Variants in KPNA3 observed in about 807,000 individuals in gnomAD.
The protein encoded by KPNA3 is importin subunit alpha-4.
KPNA3 carries 13 observed loss-of-function variants against 73.8 expected under a neutral mutation model. The ratio of observed to expected loss-of-function variants is 0.18; its 90% CI spans 0.11 to 0.28. The LOEUF (loss-of-function observed/expected upper bound fraction) is 0.28, where lower values mean the gene tolerates loss of function less well. Ranked by LOEUF, KPNA3 falls within the 10% of genes least tolerant of loss-of-function variation. KPNA3 has a pLI of 1.00. For missense variants in KPNA3, 360 were observed against 618.1 expected, an observed-to-expected ratio of 0.58 and a Z score of 4.43; for synonymous variants, 186 against 206.9, an observed-to-expected ratio of 0.90 and a Z score of 0.87.
rs569911526 is a variant in KPNA3 at position 49,747,688 on chromosome 13, AAAAT to A, written c.70-699_70-696del. 2.0e-3 allele frequency among the ~76,000 whole-genome samples: 304 copies of A among 152,390 alleles called. 1 individual carries two copies. Among genetic ancestry groups the A allele is most frequent in the African/African-American group, 7.0e-3 (290 of 41,594 alleles). On this transcript the variant is annotated intron_variant, in intron 1 of 16. Coordinates refer to ENST00000261667, the MANE Select transcript of KPNA3 (RefSeq NM_002267.4). ...GTGACAGAGCGAGACTCTGTCTCAA[AAAAT>A]AAATAAATAAGAAGAAATTTATAAT...
At chr13:49,761,318 C>T (rs898499472) in intron 1 of KPNA3, among the ~76,000 whole-genome samples, 1 of 152,164 alleles carries the variant, frequency 6.6e-6, no homozygotes, top group Non-Finnish European at 1.5e-5. Context: ...GCTGCCATCT[C>T]GGCTCACTGC....
Position 49,701,752 on chromosome 13 carries a change from G to T in KPNA3, c.*48C>A. 1 of 1,100,528 alleles carries T rather than the reference G, an allele frequency of 9.1e-7. No homozygotes were observed. Among genetic ancestry groups the T allele is most frequent in the Non-Finnish European group, 1.4e-6 (1 of 711,990 alleles). The allele number at this position is 1,100,528 out of a possible 1,614,324, so 68.2% of individuals were successfully genotyped here. ...TGTTCTTATCATTTGGTAGCCATCT[G>T]GTGGTGCTTCATATTGAATGTGGGA... On this transcript the variant is annotated 3_prime_UTR_variant, in exon 17 of 17. Transcript: ENST00000261667.
intron 8 of KPNA3, 107 bp downstream of exon 8, chr13:49,722,370 G>T: frequency 1.3e-6 from 1 of 747,428 alleles, no homozygotes; most frequent in Non-Finnish European, 2.2e-6. Context: ...GGCAAGAAGA[G>T]AGTCAACACA....
At position 49,732,429 on chromosome 13, in the gene KPNA3, C is replaced by A. The variant is rs536858890; in HGVS notation, c.325G>T (p.Asp109Tyr). ...GGTAAAATCCCAGATTTTATTAAGT[C>A]ATCAATCGGTGGATTTCTGTCACTG... The part of the protein sequence containing the change: ...LSSDRNPPID[D>Y]LIKSGILPIL... The change falls in exon 6 of 17, where the codon GAC becomes TAC. Residue 109 changes from aspartate (D) to tyrosine (Y), a missense_variant. Physicochemically the swap from Asp to Tyr is radical, Grantham distance 160. Around this residue, in one of 3 missense-constraint regions of KPNA3, gnomAD observed 287 missense variants for 549.1 expected, o/e 0.52. Coordinates refer to ENST00000261667, the MANE Select transcript of KPNA3 (RefSeq NM_002267.4). The A allele has an allele frequency of 6.3e-7, 1 of 1,598,414 alleles. No homozygotes were observed. Among genetic ancestry groups the A allele is most frequent in the Non-Finnish European group, 8.5e-7 (1 of 1,169,892 alleles).
At chr13:49,716,227 A>G (rs1402710191) in intron 10 of KPNA3, among the ~76,000 whole-genome samples, 1 of 152,134 alleles carries the variant, frequency 6.6e-6, no homozygotes, top group African/African-American at 2.4e-5. Context: ...CCTGGGCTCA[A>G]GCGATTTTCT....
Position 49,765,217 on chromosome 13 carries a change from T to C in KPNA3, c.70-18224A>G, listed in dbSNP as rs1441885025. ...ATGAATTCTGAATTGGGCAGTAATATGTAACTTTTCAATGTTATAAATAGA... is the reference window on the plus strand; with the variant it reads ...ATGAATTCTGAATTGGGCAGTAATACGTAACTTTTCAATGTTATAAATAGA... On this transcript the variant is annotated intron_variant, in intron 1 of 16. Coordinates refer to ENST00000261667, the MANE Select transcript of KPNA3 (RefSeq NM_002267.4). 2.0e-5 allele frequency among the ~76,000 whole-genome samples: 3 copies of C among 152,360 alleles called. No individual in the cohort carries two copies. The South Asian group carries it at 6.2e-4, about 32-fold the overall frequency.
chr13:49,775,079 G>A (rs1470508887), intron 1 of KPNA3, among the ~76,000 whole-genome samples: 3 of 148,720 alleles, frequency 2.0e-5, no homozygotes, highest in African/African-American at 7.5e-5. Context: ...CCTTGAACTG[G>A]GAGGCGGAGG....
chr13:49,757,169 G>A (rs1954718517), intron 1 of KPNA3, among the ~76,000 whole-genome samples: 1 of 151,832 alleles, frequency 6.6e-6, no homozygotes, highest in Non-Finnish European at 1.5e-5. Context: ...ATCCATAACA[G>A]AAATAGTTGG....
intron 1 of KPNA3, among the ~76,000 whole-genome samples, chr13:49,781,207 C>T (rs1196180729): frequency 6.6e-6 from 1 of 152,172 alleles, no homozygotes; most frequent in Non-Finnish European, 1.5e-5. Flanking sequence ...GCCCGCTCCA[C>T]TAGGTACACA....
chr13:49,755,269 C>T (rs1954700851), intron 1 of KPNA3, among the ~76,000 whole-genome samples: 1 of 151,884 alleles, frequency 6.6e-6, no homozygotes, highest in South Asian at 2.1e-4. Context: ...TTATATTATT[C>T]AATGCAGAAA....
chr13:49,721,870 G>GT, intron 9 of KPNA3, 85 bp downstream of exon 9: 1 of 863,164 alleles, frequency 1.2e-6, no homozygotes, highest in Admixed American at 2.7e-5. Flanking sequence ...ATCAGTATAT[G>GT]TATTATTTTG....
Position 49,732,670 on chromosome 13 carries a change from A to G in KPNA3, c.235-13T>C. ...CACTTGTGGCATTCTGCAATACCAAATGTAAATTTCAGAAATGAAAAAAAA... is the reference window on the plus strand; with the variant it reads ...CACTTGTGGCATTCTGCAATACCAAGTGTAAATTTCAGAAATGAAAAAAAA... On this transcript the variant is annotated splice_polypyrimidine_tract_variant and intron_variant, in intron 4 of 16. Coordinates refer to ENST00000261667, the MANE Select transcript of KPNA3 (RefSeq NM_002267.4). 6.3e-7 allele frequency: 1 copy of G among 1,597,900 alleles called. No individual in the cohort carries two copies. Among genetic ancestry groups the G allele is most frequent in the South Asian group, 1.1e-5 (1 of 88,566 alleles).
intron 2 of KPNA3, among the ~76,000 whole-genome samples, chr13:49,737,109 C>T (rs1361957069): frequency 1.3e-5 from 2 of 151,992 alleles, no homozygotes; most frequent in Non-Finnish European, 2.9e-5. Context: ...CCATTAAAGG[C>T]CATCTGTGTT....
intron 13 of KPNA3, 30 bp downstream of exon 13, chr13:49,706,238 C>T (rs997389452): frequency 1.2e-6 from 2 of 1,609,970 alleles, no homozygotes; most frequent in African/African-American, 2.7e-5. Context: ...AACAGATTAA[C>T]AGACACGGTG....
chr13:49,751,680 G>A (rs986686286), intron 1 of KPNA3, among the ~76,000 whole-genome samples: 4 of 152,110 alleles, frequency 2.6e-5, no homozygotes. Context: ...AGGCCGAGGC[G>A]GGAGGATTGC....
At chr13:49,722,830 T>TTAA (rs1954372317) in intron 7 of KPNA3, among the ~76,000 whole-genome samples, 1 of 79,650 alleles carries the variant, frequency 1.3e-5, no homozygotes, top group Non-Finnish European at 2.4e-5. Flanking sequence ...TATAATCCAT[T>TTAA]AAAAAAAAAA....
At chr13:49,730,770 T>G (rs932581515) in intron 6 of KPNA3, among the ~76,000 whole-genome samples, 1 of 39,694 alleles carries the variant, frequency 2.5e-5, no homozygotes, top group African/African-American at 1.2e-4. Flanking sequence ...CCCTCCCCCC[T>G]CCCCCCTATT....
At chr13:49,761,231 C>T (rs2137582812) in intron 1 of KPNA3, among the ~76,000 whole-genome samples, 1 of 151,944 alleles carries the variant, frequency 6.6e-6, no homozygotes, top group South Asian at 2.1e-4. Context: ...CACGGTCTCC[C>T]TCTCCCTCTC....
At chr13:49,716,059 T>C (rs1378406371) in intron 10 of KPNA3, among the ~76,000 whole-genome samples, 3 of 152,178 alleles carry the variant, frequency 2.0e-5, no homozygotes, top group African/African-American at 7.2e-5. Flanking sequence ...GCTCAACTAA[T>C]GGTTTTCAGT....
Sources: gnomAD v4.1 joint callset for allele counts (sites outside exome capture counted in the v4.1 genomes callset) on GRCh38, gnomAD v4.1.1 for gene constraint, gnomAD v4.1.1 regional missense constraint, MANE v1.5 for transcripts, NCBI Gene and HGNC (gene_info 2026-07-23, HGNC 2026-07-21) for gene names.